BCAS1: variants seen among roughly 807,000 people sequenced by gnomAD.
BCAS1 encodes the protein brain enriched myelin associated protein 1, also known as breast carcinoma-amplified sequence 1.
BCAS1 carries 46 observed loss-of-function variants against 65.4 expected under a neutral mutation model. The observed-to-expected ratio is 0.70, with a 90% CI of 0.55 to 0.90. The LOEUF (loss-of-function observed/expected upper bound fraction) is 0.90, where lower values mean the gene tolerates loss of function less well. Ranked by LOEUF, BCAS1 falls within the 40% of genes least tolerant of loss-of-function variation. BCAS1 has a pLI of 0.00. For missense variants in BCAS1, 793 were observed against 771.2 expected (o/e 1.03, Z -0.33); for synonymous variants, 298 against 293.5 (o/e 1.02, Z -0.16).
chr20:53,997,829 G>A (rs1234803911), intron 4 of BCAS1, among the ~76,000 whole-genome samples: 3 of 152,086 alleles, frequency 2.0e-5, no homozygotes, highest in African/African-American at 7.2e-5. Context: ...TGGTCTGGAG[G>A]TGGGTGGAGT....
intron 10 of BCAS1, among the ~76,000 whole-genome samples, chr20:53,966,495 GGTGAGGGATAAAAGA>G (rs1449507415): frequency 6.6e-6 from 1 of 152,140 alleles, no homozygotes; most frequent in Admixed American, 6.5e-5. Context: ...TTGGGAGAAG[GGTGAGGGATAAAAGA>G]CTGCATACTG....
In BCAS1 at chr20:53,967,007, C is replaced by T. The variant is rs747302682; in HGVS notation, c.1384G>A (p.Asp462Asn). ...GGTGCAGCATCTCCTTCGTTGAGGT[C>T]CACTGTTTGTAAGGCTGATTCTACT... ...KEVESALQTV[D>N]LNEGDAAPEP... Residue 462 changes from aspartate to asparagine, a missense_variant, in exon 10 of 13, where the codon GAC becomes AAC. Physicochemically the swap from Asp to Asn is conservative, Grantham distance 23. Coordinates refer to ENST00000688948, the MANE Select transcript of BCAS1 (RefSeq NM_001366298.2). 1 of 1,613,204 alleles carries T rather than the reference C, an allele frequency of 6.2e-7. No individual in the cohort carries two copies. Among genetic ancestry groups the T allele is most frequent in the Non-Finnish European group, 8.5e-7 (1 of 1,179,594 alleles).
At chr20:54,004,597 C>T (rs1252380496) in intron 4 of BCAS1, among the ~76,000 whole-genome samples, 2 of 152,196 alleles carry the variant, frequency 1.3e-5, no homozygotes, top group African/African-American at 2.4e-5. Context: ...CCCCACAGGC[C>T]TAAGTAAGGT....
chr20:54,065,582 G>A (rs1475248649), intron 1 of BCAS1, among the ~76,000 whole-genome samples: 1 of 152,208 alleles, frequency 6.6e-6, no homozygotes, highest in South Asian at 2.1e-4. Context: ...GCTGAGGGTC[G>A]CTAGTGCTGA....
chr20:53,954,206 A>G (rs1187572879), intron 11 of BCAS1, among the ~76,000 whole-genome samples: 5 of 152,074 alleles, frequency 3.3e-5, no homozygotes, highest in Middle Eastern at 6.3e-3. Context: ...GTGAAAATGT[A>G]AGACTGGAGC....
At chr20:53,981,940 C>T (rs994394613) in intron 8 of BCAS1, among the ~76,000 whole-genome samples, 2 of 152,112 alleles carry the variant, frequency 1.3e-5, no homozygotes, top group African/African-American at 4.8e-5. Context: ...AGAAGCCACA[C>T]GTGGGTGTTT....
intron 3 of BCAS1, among the ~76,000 whole-genome samples, chr20:54,033,620 A>C (rs1006206705): frequency 3.2e-4 from 48 of 151,352 alleles, no homozygotes; most frequent in Non-Finnish European, 1.2e-4. Context: ...ATCCCTGAAC[A>C]GACCAATAAT....
At chr20:54,041,779 A>G (rs1012104729) in intron 3 of BCAS1, among the ~76,000 whole-genome samples, 3 of 151,656 alleles carry the variant, frequency 2.0e-5, no homozygotes, top group Non-Finnish European at 4.4e-5. Flanking sequence ...GGCGCCTGTA[A>G]TCTCAGCTAC....
intron 4 of BCAS1, among the ~76,000 whole-genome samples, chr20:54,003,226 CAAAAA>C (rs36065746): frequency 1.2e-4 from 12 of 98,570 alleles, no homozygotes; most frequent in African/African-American, 2.5e-4. Flanking sequence ...GCCAAACAGA[CAAAAA>C]AAAAAAAAAA....
intron 8 of BCAS1, among the ~76,000 whole-genome samples, chr20:53,976,779 C>T (rs1749747159): frequency 6.6e-6 from 1 of 152,186 alleles, no homozygotes; most frequent in South Asian, 2.1e-4. Context: ...ATGAGATCTT[C>T]AGATTGCATA....
At position 53,946,505 on chromosome 20, in the gene BCAS1, G is replaced by GTATA. The variant is rs71196434; in HGVS notation, c.1816-1513_1816-1510dup. On this transcript the variant is annotated intron_variant, in intron 12 of 12. Transcript: ENST00000688948. ...GTATAAGATTTATATATTGTATACA[G>GTATA]TATATATATATATATACACACACAC... Among the ~76,000 whole-genome samples, 600 of 145,916 alleles carry GTATA rather than the reference G, an allele frequency of 4.1e-3. 7 individuals are homozygous for GTATA. Among genetic ancestry groups the GTATA allele is most frequent in the East Asian group, 0.015 (75 of 5,056 alleles).
chr20:54,011,806 C>T (rs1398420941), intron 4 of BCAS1, among the ~76,000 whole-genome samples: 1 of 152,230 alleles, frequency 6.6e-6, no homozygotes, highest in East Asian at 1.9e-4. Flanking sequence ...GGTGGCTGAG[C>T]CAAGATGGCA....
At chr20:53,977,353 T>G (rs10485440) in intron 8 of BCAS1, among the ~76,000 whole-genome samples, 1 of 152,098 alleles carries the variant, frequency 6.6e-6, no homozygotes, top group Non-Finnish European at 1.5e-5. Context: ...GTTAATACCA[T>G]GAACACGTAA....
At chr20:53,948,794 C>A (rs577973830) in intron 12 of BCAS1, among the ~76,000 whole-genome samples, 1 of 152,316 alleles carries the variant, frequency 6.6e-6, no homozygotes, top group South Asian at 2.1e-4. Context: ...CCAAGATGAC[C>A]TAGGACTAGG....
chr20:54,066,604 A>G (rs1568939760), intron 1 of BCAS1, among the ~76,000 whole-genome samples: 1 of 152,360 alleles, frequency 6.6e-6, no homozygotes, highest in East Asian at 1.9e-4. Context: ...AATTAGTGTC[A>G]TTATAAAAAG....
chr20:53,956,183 T>C (rs542697227), intron 11 of BCAS1, among the ~76,000 whole-genome samples: 39 of 152,342 alleles, frequency 2.6e-4, no homozygotes, highest in African/African-American at 9.1e-4. Flanking sequence ...TGATTATATT[T>C]GGAATAGGAA....
chr20:53,954,336 G>GAGAGAGAGAGAGAGAGAGAGAGA (rs1159772238), intron 11 of BCAS1, among the ~76,000 whole-genome samples: 6 of 84,006 alleles, frequency 7.1e-5, no homozygotes, highest in South Asian at 3.9e-4. Context: ...AGAGAGAGAG[G>GAGAGAGAGAGAGAGAGAGAGAGA]GACCAGGCAT....
rs1407131432 is a variant in BCAS1 at position 53,944,884 on chromosome 20, G to C, written c.*38C>G. 1 of 1,575,220 alleles carries C rather than the reference G, an allele frequency of 6.3e-7. No individual in the cohort carries two copies. Among genetic ancestry groups the C allele is most frequent in the Non-Finnish European group, 8.7e-7 (1 of 1,144,702 alleles). On this transcript the variant is annotated 3_prime_UTR_variant, in exon 13 of 13. Coordinates refer to ENST00000688948, the MANE Select transcript of BCAS1 (RefSeq NM_001366298.2). ...AGATGGAGTAAGGAGAACACATCTTGGTGGCAGGAGAACCTGGTGGGAACC... is the reference window on the plus strand; with the variant it reads ...AGATGGAGTAAGGAGAACACATCTTCGTGGCAGGAGAACCTGGTGGGAACC...
In BCAS1 at chr20:53,953,490, T is replaced by G; in HGVS notation, c.1757A>C (p.Lys586Thr). The G allele has an allele frequency of 1.2e-6, 2 of 1,614,070 alleles. No homozygotes were observed. The highest frequency in any genetic ancestry group is 8.5e-7 in the Non-Finnish European group (1 of 1,180,018). Residue 586 changes from lysine to threonine, a missense_variant, in exon 12 of 13, where the codon AAG becomes ACG. Lys to Thr is a moderately conservative substitution (Grantham distance 78). Transcript: ENST00000688948. ...CCGCTTCTCAGGTCTCTTTTGGAGC[T>G]TGTCCCCATTCTGCAGTGAGTTCGT... ...VDTNSLQNGD[K>T]LQKRPEKRQQ...
Sources: gnomAD v4.1 joint callset for allele counts (sites outside exome capture counted in the v4.1 genomes callset) on GRCh38, gnomAD v4.1.1 for gene constraint, MANE v1.5 for transcripts, NCBI Gene and HGNC (gene_info 2026-07-23, HGNC 2026-07-21) for gene names.